MAPK10: variants seen among roughly 807,000 people sequenced by gnomAD.
The protein encoded by MAPK10 is JNK3 alpha protein kinase.
In MAPK10, 25 loss-of-function variants were observed where a neutral mutation model predicts 59.3. That is an observed-to-expected ratio of 0.42 (90% confidence interval 0.31 to 0.59). MAPK10 has a LOEUF of 0.59. Ranked by LOEUF, MAPK10 falls within the 20% of genes least tolerant of loss-of-function variation. The probability of loss-of-function intolerance (pLI) is 0.15; values close to 1 mark genes in which losing one functional copy is unlikely to be tolerated. For synonymous variants in MAPK10, 190 were observed against 200.5 expected (o/e 0.95, Z 0.44); for missense variants, 351 against 568.9 (o/e 0.62, Z 3.90).
At chr4:86,303,498 C>A (rs73834271) in intron 2 of MAPK10, among the ~76,000 whole-genome samples, 7 of 151,612 alleles carry the variant, frequency 4.6e-5, no homozygotes, top group South Asian at 2.1e-4. Flanking sequence ...GAAAGAAAGA[C>A]AGACAGATAG....
intron 1 of MAPK10, among the ~76,000 whole-genome samples, chr4:86,410,647 A>T (rs1400088572): frequency 6.6e-6 from 1 of 152,190 alleles, no homozygotes; most frequent in African/African-American, 2.4e-5. Flanking sequence ...GTATGTGTCC[A>T]GGAATTTATC....
intron 1 of MAPK10, among the ~76,000 whole-genome samples, chr4:86,415,065 G>A (rs1360387442): frequency 2.0e-5 from 3 of 151,280 alleles, no homozygotes; most frequent in African/African-American, 7.3e-5. Context: ...GCTTGACCCT[G>A]GAGGTCGAGG....
At chr4:86,567,157 A>G (rs922770001) in intron 1 of MAPK10, among the ~76,000 whole-genome samples, 73 of 152,344 alleles carry the variant, frequency 4.8e-4, no homozygotes, top group African/African-American at 1.7e-3. Flanking sequence ...TATACTGTAC[A>G]TAAAAATCTT....
chr4:86,395,293 CA>C (rs1035938283), intron 1 of MAPK10, among the ~76,000 whole-genome samples: 1 of 152,162 alleles, frequency 6.6e-6, no homozygotes, highest in Admixed American at 6.5e-5. Context: ...TATATTTGGA[CA>C]ACTAACCAAA....
intron 2 of MAPK10, among the ~76,000 whole-genome samples, chr4:86,322,451 A>T (rs1237680729): frequency 1.3e-5 from 2 of 152,198 alleles, no homozygotes; most frequent in Non-Finnish European, 2.9e-5. Context: ...TTAATTGGTG[A>T]GGAGGAAGCA....
At chr4:86,334,344 T>C (rs1445803182) in intron 2 of MAPK10, among the ~76,000 whole-genome samples, 1 of 152,162 alleles carries the variant, frequency 6.6e-6, no homozygotes, top group African/African-American at 2.4e-5. Flanking sequence ...CACCACTATG[T>C]CTCTCCTGGA....
intron 3 of MAPK10, among the ~76,000 whole-genome samples, chr4:86,171,748 G>A (rs1465285555): frequency 6.6e-6 from 1 of 151,616 alleles, no homozygotes; most frequent in Non-Finnish European, 1.5e-5. Flanking sequence ...AAACTAAAGA[G>A]CTTCTGCACA....
At chr4:86,511,282 G>A (rs1282551990) in intron 1 of MAPK10, among the ~76,000 whole-genome samples, 2 of 151,264 alleles carry the variant, frequency 1.3e-5, no homozygotes, top group Non-Finnish European at 3.0e-5. Context: ...TCAGGAGTTC[G>A]AGACCAGCCT....
chr4:86,550,374 TAAAAAAAAA>T (rs753508493), intron 1 of MAPK10, among the ~76,000 whole-genome samples: 75 of 77,356 alleles, frequency 9.7e-4, no homozygotes, highest in Admixed American at 1.0e-3. Context: ...GAGCTTCAGT[TAAAAAAAAA>T]AAAAAAAAAA....
At chr4:86,393,001 A>G (rs1451477673) in intron 1 of MAPK10, among the ~76,000 whole-genome samples, 5 of 152,234 alleles carry the variant, frequency 3.3e-5, no homozygotes, top group Non-Finnish European at 2.9e-5. Flanking sequence ...AGGCTTCTGG[A>G]GTCATACTTA....
intron 1 of MAPK10, among the ~76,000 whole-genome samples, chr4:86,438,548 G>T (rs1579222202): frequency 6.6e-6 from 1 of 152,132 alleles, no homozygotes; most frequent in East Asian, 1.9e-4. Flanking sequence ...AAATTAGCTG[G>T]GTGTGGTGGC....
chr4:86,182,430 A>C (rs1389825154), intron 3 of MAPK10, among the ~76,000 whole-genome samples: 1 of 152,172 alleles, frequency 6.6e-6, no homozygotes, highest in Non-Finnish European at 1.5e-5. Flanking sequence ...AAGGCTCAAG[A>C]GACTGGAATT....
intron 4 of MAPK10, among the ~76,000 whole-genome samples, chr4:86,157,819 A>T (rs569180424): frequency 1.8e-4 from 28 of 152,050 alleles, no homozygotes; most frequent in African/African-American, 5.3e-4. Context: ...GCTGCTTTGG[A>T]TCTATTTTTG....
intron 1 of MAPK10, among the ~76,000 whole-genome samples, chr4:86,371,356 G>C (rs1317303555): frequency 6.6e-6 from 1 of 152,136 alleles, no homozygotes; most frequent in African/African-American, 2.4e-5. Flanking sequence ...ACCATCCACA[G>C]TGTGCCTGGG....
At chr4:86,552,501 GAA>G (rs549230244) in intron 1 of MAPK10, among the ~76,000 whole-genome samples, 3 of 60,714 alleles carry the variant, frequency 4.9e-5, no homozygotes, top group East Asian at 5.0e-4. Flanking sequence ...GGGAGGGAAG[GAA>G]AGGAAGGAAG....
At chr4:86,067,529 C>T (rs956930729) in intron 10 of MAPK10, among the ~76,000 whole-genome samples, 2 of 152,130 alleles carry the variant, frequency 1.3e-5, no homozygotes, top group African/African-American at 4.8e-5. Context: ...TAACTTGAGG[C>T]TGTGCCAATT....
chr4:86,391,416 A>T (rs1457811335), intron 1 of MAPK10, among the ~76,000 whole-genome samples: 1 of 152,234 alleles, frequency 6.6e-6, no homozygotes, highest in African/African-American at 2.4e-5. Flanking sequence ...CATATCATGC[A>T]TGTATCTACA....
At chr4:86,264,178 T>C (rs2094132206) in intron 2 of MAPK10, among the ~76,000 whole-genome samples, 2 of 152,230 alleles carry the variant, frequency 1.3e-5, no homozygotes, top group South Asian at 2.1e-4. Flanking sequence ...GAAAATGTTA[T>C]ATTAATTCCA....
chr4:86,143,660 C>T (rs767560676), intron 4 of MAPK10, among the ~76,000 whole-genome samples: 5 of 152,162 alleles, frequency 3.3e-5, no homozygotes, highest in Non-Finnish European at 5.9e-5. Flanking sequence ...TTGCTCATGA[C>T]AGTAGCTCAA....
Sources: allele counts gnomAD v4.1 joint callset (sites outside exome capture counted in the v4.1 genomes callset), GRCh38; gene constraint gnomAD v4.1.1; transcripts MANE v1.5; gene names NCBI Gene and HGNC (gene_info 2026-07-23, HGNC 2026-07-21).